Variants in ZFPM2 observed in about 807,000 individuals in gnomAD.
The protein encoded by ZFPM2 is zinc finger protein ZFPM2.
ZFPM2 carries 20 observed loss-of-function variants against 98.6 expected under a neutral mutation model. The observed-to-expected ratio is 0.20, with a 90% CI of 0.14 to 0.29. The LOEUF (loss-of-function observed/expected upper bound fraction) is 0.29, where lower values mean the gene tolerates loss of function less well. ZFPM2 is among the 10% of genes least tolerant of loss of function. The pLI is 1.00. For missense variants in ZFPM2, 1,310 were observed against 1,388.6 expected (o/e 0.94, Z 0.90); for synonymous variants, 518 against 502.7 (o/e 1.03, Z -0.41).
rs142145699 is a variant in ZFPM2, at chr8:105,389,013, C to CGTGTGTGTGTGTGTGT, written c.41-30100_41-30085dup. On this transcript the variant is annotated intron_variant, in intron 1 of 7. Transcript: ENST00000407775. The stretch of plus-strand genomic sequence containing the variant: ...AAAACAAAACCACAGAATTTGATGA[C>CGTGTGTGTGTGTGTGT]GTGTGTGTGTGTGTGTGTGTGTGTG... Among the ~76,000 whole-genome samples the CGTGTGTGTGTGTGTGT allele has an allele frequency of 8.2e-4, 111 of 134,902 alleles. 1 individual carries two copies. Among genetic ancestry groups the CGTGTGTGTGTGTGTGT allele is most frequent in the African/African-American group, 1.4e-3 (51 of 35,684 alleles). 88.5% of individuals were successfully genotyped at this position (134,902 alleles called of 152,430 possible). A position where few individuals can be genotyped will look rare whatever the true frequency, so the allele number is the denominator to read the frequency against.
intron 4 of ZFPM2, among the ~76,000 whole-genome samples, chr8:105,586,514 C>G (rs1420251230): frequency 6.6e-6 from 1 of 152,066 alleles, no homozygotes; most frequent in East Asian, 1.9e-4. Flanking sequence ...CCTCTGCCTC[C>G]TAGATTCAAG....
chr8:105,534,378 TTTCC>T (rs1814403220), intron 3 of ZFPM2, among the ~76,000 whole-genome samples: 2 of 115,080 alleles, frequency 1.7e-5, no homozygotes. Context: ...TCTTCCTTTC[TTTCC>T]TTCCTTCCTC....
chr8:105,596,883 C>T (rs187681143), intron 4 of ZFPM2, among the ~76,000 whole-genome samples: 198 of 151,030 alleles, frequency 1.3e-3, no homozygotes, highest in Non-Finnish European at 2.2e-3. Flanking sequence ...GTATGTGGCA[C>T]CCAGGAAAGA....
At chr8:105,366,908 G>A (rs1810524829) in intron 1 of ZFPM2, among the ~76,000 whole-genome samples, 1 of 147,168 alleles carries the variant, frequency 6.8e-6, no homozygotes, top group African/African-American at 2.5e-5. Flanking sequence ...TGTATAAGGT[G>A]TAAGGAAGGG....
chr8:105,382,885 C>T (rs553646205), intron 1 of ZFPM2, among the ~76,000 whole-genome samples: 8 of 151,738 alleles, frequency 5.3e-5, no homozygotes, highest in South Asian at 2.1e-4. Context: ...GCTTTGGTGA[C>T]GATGATGACG....
At chr8:105,653,067 A>C (rs1817212019) in intron 5 of ZFPM2, among the ~76,000 whole-genome samples, 1 of 152,214 alleles carries the variant, frequency 6.6e-6, no homozygotes, top group Non-Finnish European at 1.5e-5. Flanking sequence ...TTTAGGACAA[A>C]CAATAGCTTA....
intron 1 of ZFPM2, among the ~76,000 whole-genome samples, chr8:105,415,658 T>C (rs1811666735): frequency 6.6e-6 from 1 of 152,078 alleles, no homozygotes; most frequent in Admixed American, 6.6e-5. Flanking sequence ...AAATGTTAGT[T>C]TATGGCCACC....
intron 2 of ZFPM2, among the ~76,000 whole-genome samples, chr8:105,433,224 T>A (rs1047590903): frequency 2.0e-5 from 3 of 152,246 alleles, no homozygotes; most frequent in Non-Finnish European, 4.4e-5. Context: ...TGAAAAGTTG[T>A]CTTATTTCAT....
At chr8:105,444,981 C>T (rs1812337592) in intron 3 of ZFPM2, among the ~76,000 whole-genome samples, 1 of 152,050 alleles carries the variant, frequency 6.6e-6, no homozygotes, top group African/African-American at 2.4e-5. Context: ...CAAAAGAACT[C>T]TGCAGAAAAA....
At chr8:105,665,474 G>C (rs1417633760) in intron 5 of ZFPM2, among the ~76,000 whole-genome samples, 2 of 152,152 alleles carry the variant, frequency 1.3e-5, no homozygotes, top group African/African-American at 4.8e-5. Context: ...CTCTGAGATA[G>C]CCTGAGTTTT....
At chr8:105,407,952 T>C (rs114687833) in intron 1 of ZFPM2, among the ~76,000 whole-genome samples, 1 of 151,876 alleles carries the variant, frequency 6.6e-6, no homozygotes, top group Non-Finnish European at 1.5e-5. Context: ...ATGATACAAG[T>C]ATTGGAGTAC....
intron 5 of ZFPM2, among the ~76,000 whole-genome samples, chr8:105,740,169 C>T (rs564644400): frequency 1.8e-4 from 27 of 152,062 alleles, no homozygotes; most frequent in Middle Eastern, 3.4e-3. Flanking sequence ...GCACTTAAAC[C>T]CATGTGCCTC....
At chr8:105,679,796 TAA>T (rs34883451) in intron 5 of ZFPM2, among the ~76,000 whole-genome samples, 604 of 132,866 alleles carry the variant, frequency 4.5e-3, no homozygotes, top group Non-Finnish European at 6.7e-3. Flanking sequence ...GACTCTGTCT[TAA>T]AAAAAAAAAA....
chr8:105,426,352 C>T (rs7823133), intron 2 of ZFPM2, among the ~76,000 whole-genome samples: 52,298 of 152,032 alleles, frequency 0.34, 11,346 homozygotes, highest in African/African-American at 0.62. Context: ...TGTAAGCTTA[C>T]TGACCTGAAT....
At chr8:105,693,662 A>G (rs2130942657) in intron 5 of ZFPM2, among the ~76,000 whole-genome samples, 2 of 152,314 alleles carry the variant, frequency 1.3e-5, no homozygotes, top group African/African-American at 4.8e-5. Context: ...AATAGGCCAT[A>G]TATTTTCTAT....
intron 1 of ZFPM2, among the ~76,000 whole-genome samples, chr8:105,377,753 C>G (rs1347932128): frequency 1.3e-5 from 2 of 152,016 alleles, no homozygotes; most frequent in African/African-American, 4.8e-5. Context: ...GCACACCAGC[C>G]TGAGTGACAG....
intron 1 of ZFPM2, among the ~76,000 whole-genome samples, chr8:105,331,882 A>T (rs1204661728): frequency 6.6e-6 from 1 of 151,770 alleles, no homozygotes; most frequent in Non-Finnish European, 1.5e-5. Flanking sequence ...TTTGAAAAAC[A>T]TAAAGTCAAG....
At chr8:105,538,863 A>C (rs1248941383) in intron 3 of ZFPM2, among the ~76,000 whole-genome samples, 2 of 152,064 alleles carry the variant, frequency 1.3e-5, no homozygotes, top group African/African-American at 4.8e-5. Flanking sequence ...CATTAAAAAT[A>C]AATTAGCCAG....
chr8:105,387,887 GAA>G (rs1201984112), intron 1 of ZFPM2: 1 of 152,118 alleles, frequency 6.6e-6, no homozygotes, highest in Non-Finnish European at 1.5e-5. Flanking sequence ...GAGCATCAGA[GAA>G]AAAAAGACAA....
Sources: allele counts gnomAD v4.1 joint callset (sites outside exome capture counted in the v4.1 genomes callset), GRCh38; gene constraint gnomAD v4.1.1; transcripts MANE v1.5; gene names NCBI Gene and HGNC (gene_info 2026-07-23, HGNC 2026-07-21).